Variants in AHDC1 observed in about 807,000 individuals in gnomAD.
The protein encoded by AHDC1 is AT-hook DNA binding motif containing 1.
In AHDC1, 7 loss-of-function variants were observed where a neutral mutation model predicts 87.9. That is an observed-to-expected ratio of 0.08 (90% CI 0.05 to 0.15). The LOEUF (loss-of-function observed/expected upper bound fraction) is 0.15, where lower values mean the gene tolerates loss of function less well. Among genes scored for constraint, AHDC1 ranks in the 10% least tolerant of loss-of-function variants. AHDC1 has a pLI of 1.00. For missense variants in AHDC1, 1,841 were observed against 2,253.2 expected (o/e 0.82, Z 3.70); for synonymous variants, 1,051 against 1,006.8 (o/e 1.04, Z -0.83).
rs1447328736 is a variant in AHDC1 at position 27,549,798 on chromosome 1, C to A, written c.2318G>T (p.Gly773Val). The A allele has an allele frequency of 1.9e-6, 3 of 1,613,512 alleles. No individual in the cohort carries two copies. The highest frequency in any genetic ancestry group is 1.1e-5 in the South Asian group (1 of 91,088). ...CCCATGGTGAGGGGCCCAGCCACCACCCTTATCCCCGGCCCACTCAGCACC... is the reference window on the plus strand; with the variant it reads ...CCCATGGTGAGGGGCCCAGCCACCAACCTTATCCCCGGCCCACTCAGCACC... ...EAGAEWAGDK[G>V]GGWAPHHGHP... Residue 773 changes from glycine to valine, a missense_variant, in exon 8 of 9, where the codon GGT becomes GTT. This residue lies in a region of AHDC1 where 236 missense variants were observed against 257.9 expected (regional missense o/e 0.92). Transcript: ENST00000673934.
At chr1:27,569,112 C>T (rs1311780259) in intron 3 of AHDC1, among the ~76,000 whole-genome samples, 2 of 148,068 alleles carry the variant, frequency 1.4e-5, no homozygotes, top group African/African-American at 2.5e-5. Flanking sequence ...TACCCCCCAT[C>T]GCCCAGTGCA....
intron 3 of AHDC1, among the ~76,000 whole-genome samples, chr1:27,567,396 G>T (rs1050845708): frequency 1.3e-5 from 2 of 152,298 alleles, no homozygotes; most frequent in African/African-American, 2.4e-5. Context: ...GGGCCGGGAG[G>T]GGGGCTGAGG....
intron 3 of AHDC1, among the ~76,000 whole-genome samples, chr1:27,585,290 ACAAACAAGGACTCTGGATC>A (rs898816634): frequency 1.3e-5 from 2 of 151,518 alleles, no homozygotes; most frequent in African/African-American, 4.8e-5. Flanking sequence ...GAACAAATGA[ACAAACAAGGACTCTGGATC>A]CTAGCCTTCC....
At chr1:27,577,399 G>C (rs143558850) in intron 3 of AHDC1, among the ~76,000 whole-genome samples, 5 of 152,296 alleles carry the variant, frequency 3.3e-5, no homozygotes, top group African/African-American at 1.2e-4. Context: ...GCTGGGACCA[G>C]AGTCCTAAGG....
chr1:27,595,675 G>A lies in AHDC1; in HGVS notation c.-629+7722C>T, dbSNP rs114777681. ...GGTACCTGCAAGGGTCTGGGGAGGC[G>A]TTAGAGACCTGAGGTCCCTCCATAC... On this transcript the variant is annotated intron_variant, in intron 3 of 8. Coordinates refer to ENST00000673934, the MANE Select transcript of AHDC1 (RefSeq NM_001371928.1). The surrounding 1 kb of genome is among the most constrained non-coding windows in gnomAD (Gnocchi z 4.0). Among the ~76,000 whole-genome samples, 1,461 of 152,032 alleles carry A rather than the reference G, an allele frequency of 9.6e-3. 26 individuals carry two copies. Among genetic ancestry groups the A allele is most frequent in the African/African-American group, 0.033 (1,364 of 41,410 alleles).
intron 8 of AHDC1, among the ~76,000 whole-genome samples, chr1:27,543,947 A>G (rs1055837772): frequency 1.3e-5 from 2 of 151,952 alleles, no homozygotes; most frequent in African/African-American, 4.8e-5. Flanking sequence ...CATCTCAAAA[A>G]GAAAAAAAAA....
Position 27,593,226 on chromosome 1 carries a change from C to A in AHDC1, c.-629+10171G>T, listed in dbSNP as rs12735919. ...GGGGGAGCAGCTCCGTCCCTCCCCTCCCCCTCCACTCCTCCAGGCAGGCAG... is the reference window on the plus strand; with the variant it reads ...GGGGGAGCAGCTCCGTCCCTCCCCTACCCCTCCACTCCTCCAGGCAGGCAG... On this transcript the variant is annotated intron_variant, in intron 3 of 8. Transcript: ENST00000673934. This position sits in a 1 kb window ranked among gnomAD's most constrained non-coding sequence, Gnocchi z 4.9. Among the ~76,000 whole-genome samples, 2 of 152,148 alleles carry A rather than the reference C, an allele frequency of 1.3e-5. No individual in the cohort carries two copies. The highest frequency in any genetic ancestry group is 3.4e-3 in the Middle Eastern group (1 of 294).
At chr1:27,601,133 A>C (rs1015792868) in intron 3 of AHDC1, among the ~76,000 whole-genome samples, 1 of 152,238 alleles carries the variant, frequency 6.6e-6, no homozygotes, top group Non-Finnish European at 1.5e-5. Flanking sequence ...GCCATAGATC[A>C]CATTAAAAAC....
At chr1:27,542,413 G>A (rs1226173146) in intron 8 of AHDC1, among the ~76,000 whole-genome samples, 1 of 152,170 alleles carries the variant, frequency 6.6e-6, no homozygotes, top group African/African-American at 2.4e-5. Flanking sequence ...AGGGAGGGCC[G>A]GCTCTATGGT....
At chr1:27,577,336 C>T (rs574165354) in intron 3 of AHDC1, among the ~76,000 whole-genome samples, 1 of 152,346 alleles carries the variant, frequency 6.6e-6, no homozygotes, top group African/African-American at 2.4e-5. Context: ...TCAGCTCCTG[C>T]CGTGCGGCAG....
chr1:27,573,343 C>T lies in AHDC1; in HGVS notation c.-628-14460G>A, dbSNP rs181280516. ...AGCAGCCTGCCTAACGTCACACAGC[C>T]GAACTCCTGGTTGCCCTTTTCTTTC... On this transcript the variant is annotated intron_variant, in intron 3 of 8. Transcript: ENST00000673934. 1.7e-4 allele frequency among the ~76,000 whole-genome samples: 26 copies of T among 150,512 alleles called. No homozygotes were observed. The East Asian group carries it at 4.4e-3, about 26-fold the overall frequency.
intron 3 of AHDC1, among the ~76,000 whole-genome samples, chr1:27,591,971 C>T (rs2089234604): frequency 6.6e-6 from 1 of 152,164 alleles, no homozygotes; most frequent in South Asian, 2.1e-4. Context: ...GAAGAGGGAT[C>T]CCCGACCTGG....
rs2019206804 is a variant in AHDC1, at chr1:27,547,203, T to C, written c.*43+58A>G. ...CATACCTCTGTCCTTGCCTAAGCTC[T>C]GATGTCCTCTTCCCACCCCCAGGCC... On this transcript the variant is annotated intron_variant, in intron 8 of 8. Coordinates refer to ENST00000673934, the MANE Select transcript of AHDC1 (RefSeq NM_001371928.1). This position sits in a 1 kb window ranked among gnomAD's most constrained non-coding sequence, Gnocchi z 4.9. 2.4e-6 allele frequency: 3 copies of C among 1,241,496 alleles called. No homozygotes were observed. The African/African-American group carries it at 4.5e-5, about 19-fold the overall frequency. The allele number at this position is 1,241,496 out of a possible 1,614,324, so 76.9% of individuals were successfully genotyped here.
intron 3 of AHDC1, among the ~76,000 whole-genome samples, chr1:27,571,289 G>A (rs1464408065): frequency 1.3e-5 from 2 of 152,170 alleles, no homozygotes; most frequent in South Asian, 2.1e-4. Context: ...AGGAAAGGAG[G>A]CATTATGAAC....
In AHDC1 at chr1:27,547,956, G is replaced by C. The variant is rs984798332; in HGVS notation, c.4160C>G (p.Pro1387Arg). 8.8e-6 allele frequency: 14 copies of C among 1,596,626 alleles called. No individual in the cohort carries two copies. Among genetic ancestry groups the C allele is most frequent in the Non-Finnish European group, 1.1e-5 (13 of 1,168,818 alleles). Residue 1387 changes from proline (P) to arginine (R), a missense_variant, in exon 8 of 9, where the codon CCC becomes CGC. Pro to Arg is a moderately radical substitution (Grantham distance 103). This residue lies in a region of AHDC1 where 505 missense variants were observed against 626.2 expected (regional missense o/e 0.81). Coordinates refer to ENST00000673934, the MANE Select transcript of AHDC1 (RefSeq NM_001371928.1). This position sits in a 1 kb window ranked among gnomAD's most constrained non-coding sequence, Gnocchi z 4.9. ...CTGCAGGCCGGCGTCAAACACCGTG[G>C]GTGGGTGGGCCAGCGGTGGGAAATG... The part of the protein sequence containing the change: ...GKHFPPLAHP[P>R]TVFDAGLQKA...
intron 3 of AHDC1, among the ~76,000 whole-genome samples, chr1:27,589,209 G>T (rs1285241701): frequency 6.6e-6 from 1 of 152,134 alleles, no homozygotes; most frequent in Admixed American, 6.5e-5. Context: ...CCCTAGGCAG[G>T]GAGGTCGAGG....
At chr1:27,576,305 G>A (rs1571307987) in intron 3 of AHDC1, among the ~76,000 whole-genome samples, 1 of 152,162 alleles carries the variant, frequency 6.6e-6, no homozygotes, top group East Asian at 1.9e-4. Context: ...GTCACAATTG[G>A]GGGCCTCCGT....
intron 3 of AHDC1, among the ~76,000 whole-genome samples, chr1:27,602,793 G>C (rs1301714121): frequency 6.6e-6 from 1 of 151,826 alleles, no homozygotes; most frequent in Non-Finnish European, 1.5e-5. Context: ...AGCCCTAGCC[G>C]CCCCCAAATC....
chr1:27,571,160 G>A (rs753298123), intron 3 of AHDC1, among the ~76,000 whole-genome samples: 6 of 152,158 alleles, frequency 3.9e-5, no homozygotes, highest in African/African-American at 1.4e-4. Flanking sequence ...TTTAGCGAGC[G>A]GTGGTGGAAT....
Sources: gnomAD v4.1 joint callset for allele counts (sites outside exome capture counted in the v4.1 genomes callset) on GRCh38, gnomAD v4.1.1 for gene constraint, gnomAD v4.1.1 regional missense constraint, Gnocchi (gnomAD v3.1) non-coding constraint, MANE v1.5 for transcripts, NCBI Gene and HGNC (gene_info 2026-07-23, HGNC 2026-07-21) for gene names.